MYLK: variants seen among roughly 807,000 people sequenced by gnomAD.
The protein encoded by MYLK is myosin light chain kinase.
A neutral mutation model predicts 203.4 loss-of-function variants in MYLK; 106 were observed. The observed-to-expected ratio is 0.52, with a 90% CI of 0.45 to 0.61. The LOEUF (loss-of-function observed/expected upper bound fraction) is 0.61. Ranked by LOEUF, MYLK falls within the 20% of genes least tolerant of loss-of-function variation. The pLI is 0.00. For synonymous variants in MYLK, 867 were observed against 959.5 expected (o/e 0.90, Z 1.78); for missense variants, 2,072 against 2,442.3 (o/e 0.85, Z 3.20).
intron 23 of MYLK, chr3:123,659,807 C>A: frequency 2.5e-6 from 1 of 403,998 alleles, no homozygotes. Context: ...TCCACATTTC[C>A]TCTGAATTCT....
intron 18 of MYLK, among the ~76,000 whole-genome samples, chr3:123,694,115 G>A (rs918356373): frequency 6.6e-6 from 1 of 152,206 alleles, no homozygotes; most frequent in Non-Finnish European, 1.5e-5. Flanking sequence ...ACCTCACTAA[G>A]GCTGGAAGAG....
rs550333023 is a variant in MYLK, at chr3:123,671,497, G to T, written c.3653-4310C>A. ...GAGTGTCGCCACAAGCAAGGGTAGA[G>T]GACAGATGCTGGGAAGAGCACCAGG... On this transcript the variant is annotated intron_variant, in intron 20 of 33. Transcript: ENST00000360304. Among the ~76,000 whole-genome samples the T allele has an allele frequency of 3.9e-5, 6 of 152,302 alleles. No homozygotes were observed. In the South Asian group the frequency reaches 1.2e-3, roughly 32 times the overall value.
At chr3:123,826,788 T>C (rs994902872) in intron 3 of MYLK, among the ~76,000 whole-genome samples, 1 of 152,176 alleles carries the variant, frequency 6.6e-6, no homozygotes, top group Non-Finnish European at 1.5e-5. Flanking sequence ...CCTAGGTCAC[T>C]GAGAAATCAC....
chr3:123,627,401 TTAATGTC>T (rs1260707840), intron 30 of MYLK, among the ~76,000 whole-genome samples: 2 of 152,236 alleles, frequency 1.3e-5, no homozygotes, highest in African/African-American at 4.8e-5. Context: ...ACTTTCATGT[TTAATGTC>T]TTACGGTGTT....
intron 5 of MYLK, among the ~76,000 whole-genome samples, chr3:123,743,445 G>A (rs2062920251): frequency 6.6e-6 from 1 of 152,126 alleles, no homozygotes; most frequent in African/African-American, 2.4e-5. Context: ...TACTAACAGG[G>A]TCTATTTATA....
intron 3 of MYLK, among the ~76,000 whole-genome samples, chr3:123,815,677 C>T (rs1024356462): frequency 2.0e-5 from 3 of 152,164 alleles, no homozygotes; most frequent in African/African-American, 7.2e-5. Context: ...TCCATCACAT[C>T]GTGCCCACCA....
chr3:123,715,637 C>T lies in MYLK; in HGVS notation c.1805-5744G>A, dbSNP rs143183578. ...TAACCAGTAAAGCCTCTTCTTCAAA[C>T]CCAGCACCAGGAGTGAGGCCTTTAC... On this transcript the variant is annotated intron_variant, in intron 13 of 33. Transcript: ENST00000360304. Among the ~76,000 whole-genome samples the T allele has an allele frequency of 3.7e-3, 561 of 152,292 alleles. 2 individuals are homozygous for T. Among genetic ancestry groups the T allele is most frequent in the African/African-American group, 0.013 (530 of 41,556 alleles).
At chr3:123,841,893 G>A (rs559560058) in intron 2 of MYLK, among the ~76,000 whole-genome samples, 1 of 152,176 alleles carries the variant, frequency 6.6e-6, no homozygotes, top group Admixed American at 6.5e-5. Context: ...AGAGACAGGG[G>A]TTAAAAAAGA....
chr3:123,806,385 C>A (rs979941154), intron 3 of MYLK, among the ~76,000 whole-genome samples: 9 of 152,044 alleles, frequency 5.9e-5, no homozygotes, highest in African/African-American at 2.2e-4. Context: ...GCAGGTGAGC[C>A]GTCTGTATAG....
At chr3:123,729,873 C>A (rs993940141) in intron 11 of MYLK, among the ~76,000 whole-genome samples, 1 of 149,934 alleles carries the variant, frequency 6.7e-6, no homozygotes. Context: ...CAGAGTGAGA[C>A]CCTGTTTCAA....
At chr3:123,674,121 T>C (rs904198462) in intron 20 of MYLK, among the ~76,000 whole-genome samples, 1 of 152,080 alleles carries the variant, frequency 6.6e-6, no homozygotes, top group African/African-American at 2.4e-5. Flanking sequence ...GCCAAACACG[T>C]ACTGCCAGCC....
intron 4 of MYLK, among the ~76,000 whole-genome samples, chr3:123,784,296 T>C (rs2064417693): frequency 6.6e-6 from 1 of 151,978 alleles, no homozygotes; most frequent in Non-Finnish European, 1.5e-5. Context: ...CATTTGCAAA[T>C]CTTTGCTCAA....
intron 2 of MYLK, among the ~76,000 whole-genome samples, chr3:123,846,447 A>G (rs992439150): frequency 4.6e-5 from 7 of 152,168 alleles, no homozygotes; most frequent in African/African-American, 1.7e-4. Flanking sequence ...ACTGCTATAT[A>G]TAGTATGCAT....
intron 3 of MYLK, among the ~76,000 whole-genome samples, chr3:123,823,714 C>T (rs1014331834): frequency 3.9e-5 from 6 of 152,300 alleles, no homozygotes; most frequent in African/African-American, 1.4e-4. Flanking sequence ...CAATGGCTGC[C>T]CACTACACAC....
chr3:123,632,001 C>T (rs1182707741), intron 29 of MYLK, among the ~76,000 whole-genome samples: 1 of 151,964 alleles, frequency 6.6e-6, no homozygotes, highest in Non-Finnish European at 1.5e-5. Flanking sequence ...TCCCGAGTAG[C>T]TGGGACTACA....
At chr3:123,682,351 A>G in intron 19 of MYLK, 41 bp from the exon 20 acceptor site, 1 of 1,472,210 alleles carries the variant, frequency 6.8e-7, no homozygotes, top group Non-Finnish European at 9.3e-7. Flanking sequence ...GCAGCTGCTG[A>G]GGAAATGAGC....
Position 123,733,682 on chromosome 3 carries a change from C to G in MYLK, c.1309+5G>C. 6.2e-7 allele frequency: 1 copy of G among 1,613,932 alleles called. No individual in the cohort carries two copies. The highest frequency in any genetic ancestry group is 1.3e-5 in the African/African-American group (1 of 75,070). Reference sequence around the variant, plus strand: ...CAATCGGTGACCCTAATTACCTCTACTCACCTTCACATCTGAACTTGACAG... The same window carrying G: ...CAATCGGTGACCCTAATTACCTCTAGTCACCTTCACATCTGAACTTGACAG... On this transcript the variant is annotated splice_donor_5th_base_variant and intron_variant, in intron 10 of 33. Transcript: ENST00000360304.
At chr3:123,746,410 G>C (rs1282205067) in intron 5 of MYLK, among the ~76,000 whole-genome samples, 2 of 152,120 alleles carry the variant, frequency 1.3e-5, no homozygotes, top group African/African-American at 4.8e-5. Flanking sequence ...GATGGGAGAA[G>C]GAGGTGGAGG....
chr3:123,841,149 T>C (rs1178220789), intron 2 of MYLK, among the ~76,000 whole-genome samples: 1 of 152,124 alleles, frequency 6.6e-6, no homozygotes, highest in Non-Finnish European at 1.5e-5. Context: ...AGCTTCATAT[T>C]TCAGGTGGTA....
Sources: allele counts gnomAD v4.1 joint callset (sites outside exome capture counted in the v4.1 genomes callset), GRCh38; gene constraint gnomAD v4.1.1; transcripts MANE v1.5; gene names NCBI Gene and HGNC (gene_info 2026-07-23, HGNC 2026-07-21).